Variants in ADGRL3 observed in about 807,000 individuals in gnomAD.
ADGRL3 encodes the protein calcium-independent alpha-latrotoxin receptor 3.
ADGRL3 carries 62 observed loss-of-function variants against 153.5 expected under a neutral mutation model. The ratio of observed to expected loss-of-function variants is 0.40; its 90% CI spans 0.33 to 0.50. The LOEUF is 0.50. ADGRL3 is among the 20% of genes least tolerant of loss of function. ADGRL3 has a pLI of 0.47. For missense variants in ADGRL3, 1,641 were observed against 1,859.4 expected, an observed-to-expected ratio of 0.88 and a Z score of 2.16; for synonymous variants, 710 against 672.5, an observed-to-expected ratio of 1.06 and a Z score of -0.86.
At chr4:61,895,954 T>C in intron 11 of ADGRL3, 120 bp downstream of exon 11, 1 of 534,250 alleles carries the variant, frequency 1.9e-6, no homozygotes, top group Non-Finnish European at 3.2e-6. Flanking sequence ...AATTTCACAT[T>C]TAATGACAAC....
chr4:61,456,391 A>C (rs1186793141), intron 2 of ADGRL3, among the ~76,000 whole-genome samples: 5 of 109,036 alleles, frequency 4.6e-5, no homozygotes, highest in African/African-American at 1.7e-4. Flanking sequence ...ATATATATAG[A>C]TATATCTATA....
intron 1 of ADGRL3, among the ~76,000 whole-genome samples, chr4:61,358,225 C>T (rs1300051736): frequency 1.3e-5 from 2 of 152,134 alleles, no homozygotes; most frequent in Non-Finnish European, 2.9e-5. Context: ...ACACAGAAGC[C>T]AGAATGTTCA....
chr4:61,417,441 T>C (rs1180645836), intron 2 of ADGRL3, among the ~76,000 whole-genome samples: 1 of 151,852 alleles, frequency 6.6e-6, no homozygotes, highest in East Asian at 1.9e-4. Context: ...TGAGCCGAGA[T>C]TGTGCCACCA....
At chr4:61,742,709 A>T (rs1384979842) in intron 8 of ADGRL3, among the ~76,000 whole-genome samples, 1 of 152,218 alleles carries the variant, frequency 6.6e-6, no homozygotes, top group Non-Finnish European at 1.5e-5. Context: ...AAATTATCGG[A>T]TAATAATGAT....
intron 6 of ADGRL3, among the ~76,000 whole-genome samples, chr4:61,719,208 A>C (rs913731630): frequency 6.6e-6 from 1 of 152,180 alleles, no homozygotes; most frequent in Non-Finnish European, 1.5e-5. Context: ...TAAATTCGTA[A>C]GGAAAACAAA....
intron 1 of ADGRL3, among the ~76,000 whole-genome samples, chr4:61,337,573 G>A (rs2095705755): frequency 6.6e-6 from 1 of 152,074 alleles, no homozygotes; most frequent in African/African-American, 2.4e-5. Context: ...TTCCTGTTTA[G>A]TTTTTCTTGA....
chr4:61,999,046 T>C (rs1328417124), intron 21 of ADGRL3, among the ~76,000 whole-genome samples: 1 of 152,170 alleles, frequency 6.6e-6, no homozygotes, highest in Non-Finnish European at 1.5e-5. Context: ...ATATAGGAGC[T>C]GTTAGATGGC....
Position 61,800,827 on chromosome 4 carries a change from T to C in ADGRL3, c.1400-12982T>C, listed in dbSNP as rs186726019. ...GAAAATGATCCCTTTTTGTGTGTAA[T>C]ATGGTCAGGATGATGTGATGACAGT... On this transcript the variant is annotated intron_variant, in intron 8 of 26. Transcript: ENST00000683033. Among the ~76,000 whole-genome samples the C allele has an allele frequency of 1.9e-3, 292 of 152,294 alleles. 6 individuals are homozygous for C. The highest frequency in any genetic ancestry group is 2.2e-4 in the Non-Finnish European group (15 of 68,004).
rs868676658 is a variant in ADGRL3, at chr4:61,744,721, C to T, written c.1399+11167C>T. Among the ~76,000 whole-genome samples, 50 of 152,190 alleles carry T rather than the reference C, an allele frequency of 3.3e-4. 1 individual carries two copies. Among genetic ancestry groups the T allele is most frequent in the African/African-American group, 1.2e-3 (48 of 41,514 alleles). Reference sequence around the variant, plus strand: ...ACACCAAAAAACCATCTGTACATCACCATCATCAAAGACCAAAAGTAGATA... The same window carrying T: ...ACACCAAAAAACCATCTGTACATCATCATCATCAAAGACCAAAAGTAGATA... On this transcript the variant is annotated intron_variant, in intron 8 of 26. Coordinates refer to ENST00000683033, the MANE Select transcript of ADGRL3 (RefSeq NM_001387552.1).
chr4:61,428,877 CATCTATCTATCTATATCATCTATCTATCT>C (rs201628069), intron 2 of ADGRL3, among the ~76,000 whole-genome samples: 101 of 131,536 alleles, frequency 7.7e-4, no homozygotes, highest in Admixed American at 1.6e-3. Context: ...CTATCTATAT[CATCTATCTATCTATATCATCTATCTATCT>C]ATCTATCTAT....
intron 5 of ADGRL3, among the ~76,000 whole-genome samples, chr4:61,589,776 G>T (rs918507843): frequency 1.3e-5 from 2 of 152,070 alleles, no homozygotes; most frequent in African/African-American, 4.8e-5. Flanking sequence ...ATGTCATTGA[G>T]GCAGATGTGT....
intron 2 of ADGRL3, among the ~76,000 whole-genome samples, chr4:61,411,752 G>A (rs2097090705): frequency 6.6e-6 from 1 of 152,114 alleles, no homozygotes; most frequent in Admixed American, 6.6e-5. Flanking sequence ...GTTAGGCTGA[G>A]CTGGTGGAAG....
intron 1 of ADGRL3, among the ~76,000 whole-genome samples, chr4:61,348,271 T>C (rs1408900957): frequency 6.6e-6 from 1 of 152,058 alleles, no homozygotes; most frequent in Non-Finnish European, 1.5e-5. Flanking sequence ...ATTTTGATTA[T>C]GTTTAAGGCA....
At chr4:61,432,398 TA>T (rs2097365904) in intron 2 of ADGRL3, among the ~76,000 whole-genome samples, 1 of 152,154 alleles carries the variant, frequency 6.6e-6, no homozygotes, top group Non-Finnish European at 1.5e-5. Context: ...GCCTGATAAG[TA>T]AAAATTACAT....
At chr4:61,817,817 C>T (rs1034049207) in intron 9 of ADGRL3, among the ~76,000 whole-genome samples, 7 of 152,138 alleles carry the variant, frequency 4.6e-5, no homozygotes, top group Non-Finnish European at 1.0e-4. Flanking sequence ...CTTATAAAAT[C>T]ATCAGATCTC....
At chr4:61,513,394 C>A (rs1056137386) in intron 3 of ADGRL3, among the ~76,000 whole-genome samples, 8 of 152,104 alleles carry the variant, frequency 5.3e-5, no homozygotes, top group Admixed American at 1.3e-4. Flanking sequence ...ATCACAAATA[C>A]TTTACCTTTT....
At chr4:61,541,346 A>ATTT (rs3075146) in intron 4 of ADGRL3, among the ~76,000 whole-genome samples, 26 of 103,312 alleles carry the variant, frequency 2.5e-4, no homozygotes, top group East Asian at 6.0e-4. Flanking sequence ...TCTGGTAGAG[A>ATTT]TTTTTTTTTT....
intron 5 of ADGRL3, among the ~76,000 whole-genome samples, chr4:61,596,795 C>G (rs2098990804): frequency 6.6e-6 from 1 of 152,016 alleles, no homozygotes; most frequent in African/African-American, 2.4e-5. Flanking sequence ...AAGTTCAAGT[C>G]TGCAGGAAGC....
intron 1 of ADGRL3, among the ~76,000 whole-genome samples, chr4:61,380,759 CT>C (rs1263158200): frequency 6.6e-6 from 1 of 151,906 alleles, no homozygotes; most frequent in Non-Finnish European, 1.5e-5. Flanking sequence ...ATAAATTACA[CT>C]TTTTGTCTTT....
Sources: allele counts gnomAD v4.1 joint callset (sites outside exome capture counted in the v4.1 genomes callset), GRCh38; gene constraint gnomAD v4.1.1; transcripts MANE v1.5; gene names NCBI Gene and HGNC (gene_info 2026-07-23, HGNC 2026-07-21).